ZDHHC3: variants seen among roughly 807,000 people sequenced by gnomAD.
ZDHHC3 encodes palmitoyltransferase ZDHHC3.
A neutral mutation model predicts 30.6 loss-of-function variants in ZDHHC3; 9 were observed. The ratio of observed to expected loss-of-function variants is 0.29; its 90% CI spans 0.18 to 0.51. The LOEUF (loss-of-function observed/expected upper bound fraction) is 0.51, where lower values mean the gene tolerates loss of function less well. Among genes scored for constraint, ZDHHC3 ranks in the 20% least tolerant of loss-of-function variants. The pLI, the probability that ZDHHC3 is intolerant of heterozygous loss-of-function variation, is 0.97. For missense variants in ZDHHC3, 246 were observed against 384.2 expected, an observed-to-expected ratio of 0.64 and a Z score of 3.01; for synonymous variants, 136 against 140.2, an observed-to-expected ratio of 0.97 and a Z score of 0.21.
chr3:44,969,250 C>A (rs1705210427), intron 1 of ZDHHC3, among the ~76,000 whole-genome samples: 1 of 152,152 alleles, frequency 6.6e-6, no homozygotes, highest in African/African-American at 2.4e-5. Flanking sequence ...GTGGGATATG[C>A]TGAATGTAGG....
chr3:44,967,864 A>T (rs1705084849), intron 1 of ZDHHC3, among the ~76,000 whole-genome samples: 3 of 152,254 alleles, frequency 2.0e-5, no homozygotes, highest in African/African-American at 7.2e-5. Context: ...TAGGCAAAAC[A>T]TGCAGTACTG....
At chr3:44,945,734 T>A (rs918686345) in intron 2 of ZDHHC3, among the ~76,000 whole-genome samples, 1 of 152,018 alleles carries the variant, frequency 6.6e-6, no homozygotes, top group Non-Finnish European at 1.5e-5. Flanking sequence ...ATTTTTTGTA[T>A]TTTTAGTAGA....
intron 4 of ZDHHC3, chr3:44,933,468 G>A (rs1245781408): frequency 3.5e-6 from 2 of 573,502 alleles, no homozygotes; most frequent in Non-Finnish European, 6.2e-6. Flanking sequence ...CAGGCAGTAT[G>A]AGCTGCCTGG....
chr3:44,930,202 A>G (rs1440533687), intron 5 of ZDHHC3, among the ~76,000 whole-genome samples: 1 of 152,196 alleles, frequency 6.6e-6, no homozygotes, highest in Non-Finnish European at 1.5e-5. Context: ...GTGAGATTTG[A>G]CTAGAGGTAT....
chr3:44,938,568 C>A (rs1702176559), intron 3 of ZDHHC3: 1 of 152,404 alleles, frequency 6.6e-6, no homozygotes, highest in African/African-American at 2.4e-5. Flanking sequence ...CCTTAGTTCA[C>A]ACCAGCTTTC....
At chr3:44,956,903 C>A (rs753611236) in intron 2 of ZDHHC3, among the ~76,000 whole-genome samples, 1 of 152,200 alleles carries the variant, frequency 6.6e-6, no homozygotes, top group Non-Finnish European at 1.5e-5. Context: ...AGGCCCTGCA[C>A]AATCTGGCCT....
intron 1 of ZDHHC3, among the ~76,000 whole-genome samples, chr3:44,963,766 C>T (rs995742820): frequency 6.6e-6 from 1 of 152,182 alleles, no homozygotes; most frequent in Non-Finnish European, 1.5e-5. Flanking sequence ...ACCACATCTG[C>T]CAGCACATGC....
chr3:44,928,676 G>A (rs1035637209), intron 6 of ZDHHC3, among the ~76,000 whole-genome samples: 4 of 152,220 alleles, frequency 2.6e-5, no homozygotes, highest in African/African-American at 9.7e-5. Flanking sequence ...CAAGGGAGTA[G>A]GCCCCAGTCT....
At chr3:44,945,394 CAT>C (rs1170910965) in intron 2 of ZDHHC3, 102 bp from the exon 3 acceptor site, 17 of 1,466,624 alleles carry the variant, frequency 1.2e-5, no homozygotes, top group African/African-American at 4.2e-5. Context: ...CACACACACA[CAT>C]GGACAGGACA....
intron 2 of ZDHHC3, among the ~76,000 whole-genome samples, chr3:44,953,659 C>A (rs1273695688): frequency 2.6e-5 from 4 of 152,206 alleles, no homozygotes; most frequent in African/African-American, 9.7e-5. Context: ...GCATCACTGG[C>A]CATGTGTCTC....
In ZDHHC3 at chr3:44,926,779, G is replaced by A. The variant is rs771474124; in HGVS notation, c.810C>T (p.Ala270=). 3.3e-5 allele frequency: 54 copies of A among 1,613,660 alleles called. No homozygotes were observed. The Admixed American group carries it at 6.8e-4, about 20-fold the overall frequency. Residue 270 remains alanine (A), a synonymous_variant, in exon 7 of 7, where the codon GCC becomes GCT. Coordinates refer to ENST00000424952, the MANE Select transcript of ZDHHC3 (RefSeq NM_001135179.2). ...CTAGAGAGAAGGGGTGGCCAAAAAC[G>A]GCTTTCATGTTCATCCATTTTGTTT... The part of the protein sequence containing the change: ...AKKTKWMNMK[A]VFGHPFSLGW...
At chr3:44,939,062 T>C (rs1702217929) in intron 3 of ZDHHC3, among the ~76,000 whole-genome samples, 1 of 152,206 alleles carries the variant, frequency 6.6e-6, no homozygotes, top group Non-Finnish European at 1.5e-5. Flanking sequence ...TCTGCACCCT[T>C]GCTCTTTTCC....
At chr3:44,960,052 G>A (rs993847397) in intron 1 of ZDHHC3, among the ~76,000 whole-genome samples, 2 of 152,126 alleles carry the variant, frequency 1.3e-5, no homozygotes, top group African/African-American at 2.4e-5. Flanking sequence ...CGTGAGCCAC[G>A]GCACCCAGGC....
At position 44,959,548 on chromosome 3, in the gene ZDHHC3, T is replaced by C; in HGVS notation, c.-24-88A>G. 1 of 1,163,098 alleles carries C rather than the reference T, an allele frequency of 8.6e-7. No individual in the cohort carries two copies. Among genetic ancestry groups the C allele is most frequent in the Non-Finnish European group, 1.2e-6 (1 of 821,500 alleles). 72.0% of individuals were successfully genotyped at this position (1,163,098 alleles called of 1,614,324 possible). A position where few individuals can be genotyped will look rare whatever the true frequency, so the allele number is the denominator to read the frequency against. ...AAATTGCTCCCATAGTGAGTTGTGA[T>C]TACTTATCTGCAACCCCTGTGTGCA... On this transcript the variant is annotated intron_variant, in intron 1 of 6. Transcript: ENST00000424952. The surrounding 1 kb of genome is among the most constrained non-coding windows in gnomAD (Gnocchi z 4.3).
At chr3:44,971,281 A>G (rs1299530477) in intron 1 of ZDHHC3, among the ~76,000 whole-genome samples, 1 of 152,248 alleles carries the variant, frequency 6.6e-6, no homozygotes, top group Non-Finnish European at 1.5e-5. Context: ...GTCAATACAT[A>G]CTACGAAGTC....
chr3:44,975,770 T>TCACACACACACACA (rs3082727), intron 1 of ZDHHC3, among the ~76,000 whole-genome samples, 163 bp downstream of exon 1: 32 of 111,550 alleles, frequency 2.9e-4, no homozygotes, highest in Middle Eastern at 4.4e-3. Flanking sequence ...TCTCTCTCTC[T>TCACACACACACACA]CTCACACACA....
chr3:44,947,341 G>C (rs556608759), intron 2 of ZDHHC3, among the ~76,000 whole-genome samples: 3 of 152,338 alleles, frequency 2.0e-5, no homozygotes, highest in South Asian at 4.1e-4. Flanking sequence ...AGATCAGTCA[G>C]TGGCATAGCA....
chr3:44,942,800 C>T (rs1423871134), intron 3 of ZDHHC3, among the ~76,000 whole-genome samples: 3 of 152,176 alleles, frequency 2.0e-5, no homozygotes, highest in East Asian at 1.9e-4. Context: ...AGCACCTGGC[C>T]GAAGGTCCAC....
At chr3:44,934,012 AG>A (rs747041728) in intron 3 of ZDHHC3, 28 bp from the exon 4 acceptor site, 11 of 1,611,418 alleles carry the variant, frequency 6.8e-6, no homozygotes, top group Middle Eastern at 3.3e-4. Context: ...TCAGACCTTT[AG>A]GGCATCCCCA....
Sources: gnomAD v4.1 joint callset for allele counts (sites outside exome capture counted in the v4.1 genomes callset) on GRCh38, gnomAD v4.1.1 for gene constraint, Gnocchi (gnomAD v3.1) non-coding constraint, MANE v1.5 for transcripts, NCBI Gene and HGNC (gene_info 2026-07-23, HGNC 2026-07-21) for gene names.